ARL3: variants seen among roughly 807,000 people sequenced by gnomAD.
ARL3 encodes ADP-ribosylation factor-like protein 3.
In ARL3, 9 loss-of-function variants were observed where a neutral mutation model predicts 26.0. The observed-to-expected ratio is 0.35, with a 90% CI of 0.21 to 0.60. The LOEUF (loss-of-function observed/expected upper bound fraction) is 0.60, where lower values mean the gene tolerates loss of function less well. ARL3 is among the 20% of genes least tolerant of loss of function. The pLI, the probability that ARL3 is intolerant of heterozygous loss-of-function variation, is 0.78. For missense variants in ARL3, 158 were observed against 215.7 expected (o/e 0.73, Z 1.67); for synonymous variants, 71 against 78.4 (o/e 0.91, Z 0.50).
chr10:102,674,546 G>A lies in ARL3; in HGVS notation c.*2348C>T, dbSNP rs2064120898. ...CAATTGTGCGCAGGGCAAAAGTCTC[G>A]CTAAGACTCACTGGGGACAGGAGGA... is the stretch of plus-strand genomic sequence containing the variant. On this transcript the variant is annotated 3_prime_UTR_variant, in exon 6 of 6. Coordinates refer to ENST00000260746, the MANE Select transcript of ARL3 (RefSeq NM_004311.4). 2 of 152,180 alleles carry A rather than the reference G, an allele frequency of 1.3e-5. No homozygotes were observed. The highest frequency in any genetic ancestry group is 2.4e-5 in the African/African-American group (1 of 41,422). 9.4% of individuals were successfully genotyped at this position (152,180 alleles called of 1,614,324 possible).
chr10:102,711,102 A>G (rs953226962), intron 1 of ARL3, among the ~76,000 whole-genome samples: 4 of 152,228 alleles, frequency 2.6e-5, no homozygotes, highest in African/African-American at 9.6e-5. Context: ...TACGTCTTTC[A>G]ACTGAACTCC....
chr10:102,709,357 A>C (rs1048352431), intron 1 of ARL3, among the ~76,000 whole-genome samples: 1 of 151,734 alleles, frequency 6.6e-6, no homozygotes, highest in African/African-American at 2.4e-5. Flanking sequence ...GAGAAAAACA[A>C]GGCCAGGCAC....
At chr10:102,686,107 T>G in intron 4 of ARL3, 106 bp from the exon 5 acceptor site, 1 of 970,462 alleles carries the variant, frequency 1.0e-6, no homozygotes, top group Non-Finnish European at 1.5e-6. Context: ...AGTCTCACTC[T>G]GTCACCCAGG....
chr10:102,694,822 G>A (rs1230768275), intron 3 of ARL3, among the ~76,000 whole-genome samples: 2 of 152,074 alleles, frequency 1.3e-5, no homozygotes, highest in African/African-American at 4.8e-5. Context: ...GGGTTCAAGC[G>A]ATTCTCCTGT....
chr10:102,676,685 T>A lies in ARL3; in HGVS notation c.*209A>T. ...CAATTATGCAGAGGAAATAATATAA[T>A]TCCTTTATTTGAAAAATGATACTGA... On this transcript the variant is annotated 3_prime_UTR_variant, in exon 6 of 6. Coordinates refer to ENST00000260746, the MANE Select transcript of ARL3 (RefSeq NM_004311.4). The A allele has an allele frequency of 5.6e-6, 3 of 534,218 alleles. No homozygotes were observed. The highest frequency in any genetic ancestry group is 1.0e-5 in the Non-Finnish European group (3 of 299,100). 33.1% of individuals were successfully genotyped at this position (534,218 alleles called of 1,614,324 possible). A position where few individuals can be genotyped will look rare whatever the true frequency, so the allele number is the denominator to read the frequency against.
At chr10:102,689,110 G>T (rs1307500179) in intron 4 of ARL3, among the ~76,000 whole-genome samples, 1 of 152,054 alleles carries the variant, frequency 6.6e-6, no homozygotes, top group Admixed American at 6.5e-5. Flanking sequence ...ATCATCTGAG[G>T]TCAAGAGTTC....
chr10:102,705,958 A>G (rs1355710442), intron 1 of ARL3, among the ~76,000 whole-genome samples: 2 of 152,212 alleles, frequency 1.3e-5, no homozygotes, highest in East Asian at 3.8e-4. Context: ...AAATAGGATG[A>G]CACACCCAAG....
intron 1 of ARL3, among the ~76,000 whole-genome samples, chr10:102,714,037 C>G (rs2064365511): frequency 6.6e-6 from 1 of 152,234 alleles, no homozygotes; most frequent in South Asian, 2.1e-4. Context: ...CTGCCAGCCC[C>G]TTCCCCAAGC....
chr10:102,699,027 C>T (rs1044239900), intron 3 of ARL3, among the ~76,000 whole-genome samples: 2 of 152,190 alleles, frequency 1.3e-5, no homozygotes, highest in Non-Finnish European at 2.9e-5. Flanking sequence ...TTTGCTTGCT[C>T]TCTTTGCAAT....
Position 102,685,683 on chromosome 10 carries a change from A to G in ARL3, c.501+133T>C. The G allele has an allele frequency of 3.9e-6, 4 of 1,012,884 alleles. 1 individual carries two copies. In the South Asian group the frequency reaches 7.0e-5, roughly 18 times the overall value. 62.7% of individuals were successfully genotyped at this position (1,012,884 alleles called of 1,614,324 possible). ...TATCTGATTGGTTGCTAAGCAGAAA[A>G]GAACCAAATTCCTCCATGCCCTTCA... is the stretch of plus-strand genomic sequence containing the variant. On this transcript the variant is annotated intron_variant, in intron 5 of 5. Transcript: ENST00000260746.
At chr10:102,688,966 G>A (rs752604573) in intron 4 of ARL3, among the ~76,000 whole-genome samples, 1 of 152,226 alleles carries the variant, frequency 6.6e-6, no homozygotes, top group Non-Finnish European at 1.5e-5. Flanking sequence ...TGGGCATGGT[G>A]CTAAGTTCCA....
intron 5 of ARL3, among the ~76,000 whole-genome samples, chr10:102,681,818 C>T (rs1186442510): frequency 3.3e-5 from 5 of 152,166 alleles, no homozygotes; most frequent in Non-Finnish European, 7.3e-5. Context: ...ATTTTAATTA[C>T]ACATACCACA....
intron 3 of ARL3, among the ~76,000 whole-genome samples, chr10:102,691,546 T>A (rs530769381): frequency 2.3e-4 from 35 of 152,314 alleles, no homozygotes; most frequent in South Asian, 2.1e-3. Flanking sequence ...GAATTTCATA[T>A]AATTTTCACA....
intron 1 of ARL3, among the ~76,000 whole-genome samples, chr10:102,708,058 C>G (rs2064318796): frequency 6.6e-6 from 1 of 152,032 alleles, no homozygotes. Flanking sequence ...GGACTACCGG[C>G]TCACACCACC....
Position 102,708,908 on chromosome 10 carries a change from A to ATATATATATATTTT in ARL3, c.4-3420_4-3419insAAAATATATATATA. ...ATATTATATATATATATATATATATATTTTTTTTTTTTTTGAGACAAGGTC... is the reference window on the plus strand; with the variant it reads ...ATATTATATATATATATATATATATATATATATATATTTTTTTTTTTTTTTTTTGAGACAAGGTC... On this transcript the variant is annotated intron_variant, in intron 1 of 5. Coordinates refer to ENST00000260746, the MANE Select transcript of ARL3 (RefSeq NM_004311.4). Among the ~76,000 whole-genome samples, 456 of 95,224 alleles carry ATATATATATATTTT rather than the reference A, an allele frequency of 4.8e-3. 2 individuals carry two copies. Among genetic ancestry groups the ATATATATATATTTT allele is most frequent in the Non-Finnish European group, 6.8e-3 (343 of 50,344 alleles). The allele number at this position is 95,224 out of a possible 152,430, so 62.5% of individuals were successfully genotyped here. A position where few individuals can be genotyped will look rare whatever the true frequency, so the allele number is the denominator to read the frequency against.
chr10:102,709,684 T>G (rs1329281134), intron 1 of ARL3, among the ~76,000 whole-genome samples: 1 of 150,122 alleles, frequency 6.7e-6, no homozygotes, highest in Non-Finnish European at 1.5e-5. Context: ...AACATAATGT[T>G]TATTCACCTT....
intron 1 of ARL3, among the ~76,000 whole-genome samples, chr10:102,708,908 A>ATATATATATATATATTTTT: frequency 1.3e-4 from 12 of 95,318 alleles, no homozygotes; most frequent in African/African-American, 5.0e-4. Flanking sequence ...ATATATATAT[A>ATATATATATATATATTTTT]TTTTTTTTTT....
intron 1 of ARL3, among the ~76,000 whole-genome samples, chr10:102,712,288 A>T (rs1484274677): frequency 6.6e-6 from 1 of 152,222 alleles, no homozygotes; most frequent in Non-Finnish European, 1.5e-5. Flanking sequence ...TCAGTTGTAC[A>T]GTTAACCATG....
rs2064117660 is a variant in ARL3 at position 102,673,975 on chromosome 10, G to A, written c.*2919C>T. 1 of 152,576 alleles carries A rather than the reference G, an allele frequency of 6.6e-6. No individual in the cohort carries two copies. The highest frequency in any genetic ancestry group is 2.1e-4 in the South Asian group (1 of 4,810). 9.5% of individuals were successfully genotyped at this position (152,576 alleles called of 1,614,324 possible). A position where few individuals can be genotyped will look rare whatever the true frequency, so the allele number is the denominator to read the frequency against. On this transcript the variant is annotated 3_prime_UTR_variant, in exon 6 of 6. Transcript: ENST00000260746. ...GGAAAGGGAAATCAAAGCAAACTCT[G>A]ACGGGAATGGAGAGACGAGTCCTGG...
Sources: allele counts gnomAD v4.1 joint callset (sites outside exome capture counted in the v4.1 genomes callset), GRCh38; gene constraint gnomAD v4.1.1; transcripts MANE v1.5; gene names NCBI Gene and HGNC (gene_info 2026-07-23, HGNC 2026-07-21).